MYO1D: variants seen among roughly 807,000 people sequenced by gnomAD.
The protein encoded by MYO1D is myosin ID, also known as unconventional myosin-Id.
In MYO1D, 83 loss-of-function variants were observed where a neutral mutation model predicts 122.0. That is an observed-to-expected ratio of 0.68 (90% CI 0.57 to 0.82). MYO1D has a LOEUF of 0.82. MYO1D is among the 40% of genes least tolerant of loss of function. The probability of loss-of-function intolerance (pLI) is 0.00; values close to 1 mark genes in which losing one functional copy is unlikely to be tolerated. For missense variants in MYO1D, 1,157 were observed against 1,269.5 expected, an observed-to-expected ratio of 0.91 and a Z score of 1.35; for synonymous variants, 464 against 446.9, an observed-to-expected ratio of 1.04 and a Z score of -0.48.
At chr17:32,509,768 T>C (rs1047692089) in intron 21 of MYO1D, among the ~76,000 whole-genome samples, 22 of 152,186 alleles carry the variant, frequency 1.4e-4, no homozygotes, top group African/African-American at 5.1e-4. Flanking sequence ...TTTGTATTTT[T>C]AGTAGAGACG....
chr17:32,653,143 A>G (rs1242107992), intron 19 of MYO1D, among the ~76,000 whole-genome samples: 1 of 149,612 alleles, frequency 6.7e-6, no homozygotes. Flanking sequence ...CTCCGTCTCA[A>G]AAAAAAAAAA....
At chr17:32,659,543 T>C (rs2088529255) in intron 16 of MYO1D, 4 of 588,196 alleles carry the variant, frequency 6.8e-6, no homozygotes, top group Non-Finnish European at 1.2e-5. Context: ...GTTTCAGCTG[T>C]CTAGCTGCTC....
chr17:32,516,631 T>C (rs1298175260), intron 21 of MYO1D, among the ~76,000 whole-genome samples: 2 of 152,238 alleles, frequency 1.3e-5, no homozygotes, highest in African/African-American at 4.8e-5. Context: ...CATGGCTTCT[T>C]GCCAAATTTG....
intron 7 of MYO1D, 136 bp from the exon 8 acceptor site, chr17:32,765,217 C>T (rs1372482094): frequency 2.9e-6 from 2 of 688,838 alleles, no homozygotes; most frequent in African/African-American, 3.6e-5. Flanking sequence ...CATATAAAAA[C>T]AGTGTTTCAT....
chr17:32,769,194 T>C (rs1346295666), intron 6 of MYO1D, among the ~76,000 whole-genome samples: 1 of 151,688 alleles, frequency 6.6e-6, no homozygotes, highest in Non-Finnish European at 1.5e-5. Flanking sequence ...GAGGTTTCCC[T>C]AGCTTATAAA....
At chr17:32,681,096 T>C (rs1182545514) in intron 16 of MYO1D, among the ~76,000 whole-genome samples, 1 of 152,160 alleles carries the variant, frequency 6.6e-6, no homozygotes, top group African/African-American at 2.4e-5. Context: ...TTGGTGGTGA[T>C]ATCCCCTTTA....
chr17:32,797,202 C>G (rs1337458165), intron 1 of MYO1D, among the ~76,000 whole-genome samples: 3 of 152,208 alleles, frequency 2.0e-5, no homozygotes, highest in Non-Finnish European at 2.9e-5. Flanking sequence ...ATCTCCTGAC[C>G]TCGTGATCCA....
chr17:32,809,687 T>C (rs1265454190), intron 1 of MYO1D, among the ~76,000 whole-genome samples: 1 of 152,136 alleles, frequency 6.6e-6, no homozygotes, highest in South Asian at 2.1e-4. Flanking sequence ...AATCTGCCTG[T>C]CTTGGCCTCC....
At chr17:32,512,184 C>T (rs569083654) in intron 21 of MYO1D, among the ~76,000 whole-genome samples, 17 of 152,158 alleles carry the variant, frequency 1.1e-4, no homozygotes, top group African/African-American at 3.9e-4. Flanking sequence ...CCTGTAATCC[C>T]AGCTACTTGG....
At chr17:32,595,073 A>G (rs2087478330) in intron 21 of MYO1D, among the ~76,000 whole-genome samples, 2 of 152,168 alleles carry the variant, frequency 1.3e-5, no homozygotes, top group Non-Finnish European at 2.9e-5. Flanking sequence ...TCCCACACAT[A>G]TTACATTGCT....
chr17:32,834,325 C>G (rs141624434), intron 1 of MYO1D, among the ~76,000 whole-genome samples: 4 of 152,268 alleles, frequency 2.6e-5, no homozygotes, highest in Non-Finnish European at 5.9e-5. Context: ...ACATATGATA[C>G]CTGTCCTCAT....
chr17:32,508,901 A>C (rs1909590400), intron 21 of MYO1D, among the ~76,000 whole-genome samples: 1 of 152,250 alleles, frequency 6.6e-6, no homozygotes, highest in Non-Finnish European at 1.5e-5. Flanking sequence ...TGAGCTGAGC[A>C]CTTTCATGTC....
chr17:32,726,975 T>C (rs1380038932), intron 14 of MYO1D, among the ~76,000 whole-genome samples: 1 of 152,172 alleles, frequency 6.6e-6, no homozygotes, highest in Non-Finnish European at 1.5e-5. Flanking sequence ...GATTTTTATA[T>C]TCAAGAATGA....
rs552748431 is a variant in MYO1D at position 32,635,555 on chromosome 17, C to T, written c.2709+3167G>A. Among the ~76,000 whole-genome samples, 59 of 151,926 alleles carry T rather than the reference C, an allele frequency of 3.9e-4. 1 individual carries two copies. The highest frequency in any genetic ancestry group is 7.7e-4 in the East Asian group (4 of 5,176). On this transcript the variant is annotated intron_variant, in intron 20 of 21. Transcript: ENST00000318217. ...AAATACAAAAAAAATTAGCTGGGCACGGTGGCAGGTGCCTGTAATCTCAGC... is the reference window on the plus strand; with the variant it reads ...AAATACAAAAAAAATTAGCTGGGCATGGTGGCAGGTGCCTGTAATCTCAGC...
intron 20 of MYO1D, among the ~76,000 whole-genome samples, chr17:32,631,648 T>C (rs907647487): frequency 7.0e-6 from 1 of 143,472 alleles, no homozygotes; most frequent in Non-Finnish European, 1.5e-5. Context: ...ACCCGTCTCT[T>C]AAAAAAAAAA....
chr17:32,666,330 C>T (rs1321622616), intron 16 of MYO1D, among the ~76,000 whole-genome samples: 1 of 152,204 alleles, frequency 6.6e-6, no homozygotes, highest in African/African-American at 2.4e-5. Context: ...GACTCATTTA[C>T]TTACTTCTAA....
At chr17:32,756,796 T>C (rs183056468) in intron 10 of MYO1D, among the ~76,000 whole-genome samples, 1 of 152,312 alleles carries the variant, frequency 6.6e-6, no homozygotes, top group Non-Finnish European at 1.5e-5. Flanking sequence ...GCTTTTCCTT[T>C]ACTTCCACAA....
At chr17:32,788,987 A>G (rs916223324) in intron 1 of MYO1D, among the ~76,000 whole-genome samples, 1 of 145,462 alleles carries the variant, frequency 6.9e-6, no homozygotes, top group Non-Finnish European at 1.5e-5. Context: ...TATATTCCTA[A>G]GTTTTTTTGT....
chr17:32,687,444 G>A (rs899578917), intron 16 of MYO1D, among the ~76,000 whole-genome samples: 8 of 152,078 alleles, frequency 5.3e-5, no homozygotes, highest in African/African-American at 1.2e-4. Context: ...TGATCCACCC[G>A]CCTTGGCCTC....
Sources: allele counts gnomAD v4.1 joint callset (sites outside exome capture counted in the v4.1 genomes callset), GRCh38; gene constraint gnomAD v4.1.1; transcripts MANE v1.5; gene names NCBI Gene and HGNC (gene_info 2026-07-23, HGNC 2026-07-21).